Variants in MCM10 observed in about 807,000 individuals in gnomAD.
MCM10 encodes the protein minichromosome maintenance 10 replication initiation factor.
In MCM10, 91 loss-of-function variants were observed where a neutral mutation model predicts 109.9. The ratio of observed to expected loss-of-function variants is 0.83; its 90% confidence interval spans 0.70 to 0.99. MCM10 has a LOEUF of 0.99. Ranked by LOEUF, MCM10 falls within the 50% of genes least tolerant of loss-of-function variation. MCM10 has a pLI of 0.00. For synonymous variants in MCM10, 380 were observed against 387.2 expected (o/e 0.98, Z 0.22); for missense variants, 1,077 against 1,061.2 (o/e 1.01, Z -0.21).
At position 13,192,331 on chromosome 10, in the gene MCM10, C is replaced by T. The variant is rs749752543; in HGVS notation, c.1593C>T (p.Asn531=). ...ACCTGCCGACGTGTGGAGCCAGGAACTTAAAACAACATTTAGCCAAAGCCA... is the reference window on the plus strand; with the variant it reads ...ACCTGCCGACGTGTGGAGCCAGGAATTTAAAACAACATTTAGCCAAAGCCA... ...LMDLPTCGAR[N]LKQHLAKATA... Residue 531 remains asparagine (N), a synonymous_variant, in exon 12 of 20, where the codon AAC becomes AAT. Transcript: ENST00000378714. 5 of 1,609,312 alleles carry T rather than the reference C, an allele frequency of 3.1e-6. No individual in the cohort carries two copies. Among genetic ancestry groups the T allele is most frequent in the Non-Finnish European group, 8.5e-7 (1 of 1,178,068 alleles).
In MCM10 at chr10:13,163,324, G is replaced by C. The variant is rs75915428; in HGVS notation, c.-75-804G>C. Among the ~76,000 whole-genome samples the C allele has an allele frequency of 9.1e-3, 1,379 of 152,228 alleles. 29 individuals carry two copies. Among genetic ancestry groups the C allele is most frequent in the African/African-American group, 0.032 (1,321 of 41,540 alleles). On this transcript the variant is annotated intron_variant, in intron 1 of 19. Coordinates refer to ENST00000378714, the MANE Select transcript of MCM10 (RefSeq NM_018518.5). ...TGCACTCCAGCCCCAGCGACAGAGC[G>C]AGATCCTGTCTAAAAAAAGAAAAGA...
chr10:13,163,253 C>T (rs1025264883), intron 1 of MCM10, among the ~76,000 whole-genome samples: 1 of 151,966 alleles, frequency 6.6e-6, no homozygotes, highest in Non-Finnish European at 1.5e-5. Context: ...GCAGGAGAAT[C>T]ACTGGAGCCT....
At chr10:13,176,243 T>C (rs1244740445) in intron 6 of MCM10, among the ~76,000 whole-genome samples, 1 of 152,238 alleles carries the variant, frequency 6.6e-6, no homozygotes, top group African/African-American at 2.4e-5. Context: ...GCATCTGTTA[T>C]AGGGATACAT....
chr10:13,203,072 T>C (rs1434084401), intron 17 of MCM10, among the ~76,000 whole-genome samples: 1 of 152,144 alleles, frequency 6.6e-6, no homozygotes, highest in Non-Finnish European at 1.5e-5. Flanking sequence ...CTGGAACTCC[T>C]GACTTCAGAT....
chr10:13,183,228 G>A (rs943402330), intron 8 of MCM10, 128 bp downstream of exon 8: 7 of 1,024,462 alleles, frequency 6.8e-6, no homozygotes, highest in East Asian at 2.5e-5. Flanking sequence ...AGGCCAAAGC[G>A]GGAGGATCAC....
chr10:13,196,402 C>T lies in MCM10; in HGVS notation c.1974+1133C>T, dbSNP rs544278159. On this transcript the variant is annotated intron_variant, in intron 14 of 19. Coordinates refer to ENST00000378714, the MANE Select transcript of MCM10 (RefSeq NM_018518.5). The stretch of plus-strand genomic sequence containing the variant: ...GGCAAAGCTTGCTGTATGCCAAAAC[C>T]TTACCTATAATAATAACAACAGGAA... 3.3e-5 allele frequency among the ~76,000 whole-genome samples: 5 copies of T among 152,268 alleles called. No individual in the cohort carries two copies. The South Asian group carries it at 1.0e-3, about 32-fold the overall frequency.
Position 13,191,336 on chromosome 10 carries a change from A to C in MCM10, c.1453A>C (p.Thr485Pro). Residue 485 changes from threonine (T) to proline (P), a missense_variant, in exon 11 of 20, where the codon ACT becomes CCT. Physicochemically the swap from Thr to Pro is conservative, Grantham distance 38. Coordinates refer to ENST00000378714, the MANE Select transcript of MCM10 (RefSeq NM_018518.5). ...AVAPKKKIQT[T>P]LSNLVVKGTN... ...GGCTCCTAAGAAGAAGATTCAAACC[A>C]CTCTGAGTAATCTGGTTGTTAAGGG... is the stretch of plus-strand genomic sequence containing the variant. 6.2e-7 allele frequency: 1 copy of C among 1,614,074 alleles called. No individual in the cohort carries two copies.
rs912391936 is a variant in MCM10 at position 13,204,362 on chromosome 10, C to T, written c.2496C>T (p.Cys832=). The T allele has an allele frequency of 6.8e-6, 11 of 1,613,930 alleles. No individual in the cohort carries two copies. Among genetic ancestry groups the T allele is most frequent in the Non-Finnish European group, 9.3e-6 (11 of 1,179,958 alleles). ...TGGACAGACTCCCGAACAAGCACTG[C>T]AGGTATGAGAATCACCTGGAGCTCT... ...ISLDRLPNKH[C]SNCGLYKWER... Residue 832 remains cysteine, a splice_region_variant and synonymous_variant, in exon 18 of 20, where the codon TGC becomes TGT. Coordinates refer to ENST00000378714, the MANE Select transcript of MCM10 (RefSeq NM_018518.5).
rs1260311565 is a variant in MCM10 at position 13,182,638 on chromosome 10, C to G, written c.931-295C>G. Among the ~76,000 whole-genome samples, 1 of 152,104 alleles carries G rather than the reference C, an allele frequency of 6.6e-6. No individual in the cohort carries two copies. Among genetic ancestry groups the G allele is most frequent in the Non-Finnish European group, 1.5e-5 (1 of 68,028 alleles). On this transcript the variant is annotated intron_variant, in intron 7 of 19. Coordinates refer to ENST00000378714, the MANE Select transcript of MCM10 (RefSeq NM_018518.5). This position sits in a 1 kb window ranked among gnomAD's most constrained non-coding sequence, Gnocchi z 4.2. ...TCTCTGTGTCATTAGAAAGGCAGTG[C>G]TATCCCACTCCCTCTGCTTAGACCC...
At chr10:13,204,975 G>A (rs1173095724) in intron 18 of MCM10, among the ~76,000 whole-genome samples, 2 of 67,982 alleles carry the variant, frequency 2.9e-5, no homozygotes, top group Non-Finnish European at 7.1e-5. Flanking sequence ...ATTTTTTATT[G>A]TGCTTCTCAT....
At chr10:13,177,508 CTTTTT>C (rs60316855) in intron 6 of MCM10, among the ~76,000 whole-genome samples, 4 of 105,266 alleles carry the variant, frequency 3.8e-5, no homozygotes, top group Non-Finnish European at 7.2e-5. Flanking sequence ...GATTTTGGAG[CTTTTT>C]TTTTTTTTTT....
At chr10:13,180,328 C>A in intron 6 of MCM10, 114 bp from the exon 7 acceptor site, 1 of 755,382 alleles carries the variant, frequency 1.3e-6, no homozygotes, top group South Asian at 2.3e-5. Context: ...CTAAGCTTCC[C>A]AAGAACAGGT....
chr10:13,209,345 G>A lies in MCM10; in HGVS notation c.*35G>A, dbSNP rs183514711. The A allele has an allele frequency of 3.8e-4, 582 of 1,528,362 alleles. No individual in the cohort carries two copies. In the African/African-American group the frequency reaches 6.7e-3, roughly 18 times the overall value. 94.7% of individuals were successfully genotyped at this position (1,528,362 alleles called of 1,614,324 possible). ...CAGACATTTTCCCACAGACTTCCTG[G>A]CCTCCTGTGACTCTGGAAAGCAAAG... On this transcript the variant is annotated 3_prime_UTR_variant, in exon 20 of 20. Transcript: ENST00000378714.
intron 14 of MCM10, among the ~76,000 whole-genome samples, chr10:13,195,921 T>G (rs2131582931): frequency 6.6e-6 from 1 of 152,168 alleles, no homozygotes; most frequent in African/African-American, 2.4e-5. Flanking sequence ...TTTTATTTGT[T>G]GAGACAGACT....
chr10:13,190,465 C>T (rs1171680171), intron 10 of MCM10, among the ~76,000 whole-genome samples: 1 of 152,188 alleles, frequency 6.6e-6, no homozygotes, highest in Non-Finnish European at 1.5e-5. Flanking sequence ...AGGAGGATTG[C>T]TTAAGCCCAG....
chr10:13,204,225 T>G lies in MCM10; in HGVS notation c.2359T>G (p.Tyr787Asp), dbSNP rs1274014607. 1 of 1,613,948 alleles carries G rather than the reference T, an allele frequency of 6.2e-7. No homozygotes were observed. Among genetic ancestry groups the G allele is most frequent in the Non-Finnish European group, 8.5e-7 (1 of 1,180,014 alleles). Residue 787 changes from tyrosine to aspartate, a missense_variant, in exon 18 of 20, where the codon TAT (tyrosine) becomes GAT (aspartate). Transcript: ENST00000378714. ...CRVVTCKTCA[Y>D]THFKLLETCV... Reference sequence around the variant, plus strand: ...TTTTTGTTGCTCTGTGCAGTGCGCCTATACCCACTTCAAGCTGCTGGAGAC... The same window carrying G: ...TTTTTGTTGCTCTGTGCAGTGCGCCGATACCCACTTCAAGCTGCTGGAGAC...
chr10:13,170,844 G>C, intron 2 of MCM10, 78 bp from the exon 3 acceptor site: 7 of 1,281,610 alleles, frequency 5.5e-6, no homozygotes, highest in Non-Finnish European at 7.7e-6. Flanking sequence ...ACCCCCATGG[G>C]GTCATTTAAA....
chr10:13,188,336 A>C (rs1166267191), intron 9 of MCM10, among the ~76,000 whole-genome samples: 1 of 152,168 alleles, frequency 6.6e-6, no homozygotes, highest in Non-Finnish European at 1.5e-5. Context: ...CACAATATAC[A>C]GTTAATCATT....
At chr10:13,195,405 A>T in intron 14 of MCM10, 136 bp downstream of exon 14, 1 of 663,814 alleles carries the variant, frequency 1.5e-6, no homozygotes, top group Non-Finnish European at 2.5e-6. Context: ...GGTAGTGTCA[A>T]CATAATACTA....
Sources: gnomAD v4.1 joint callset for allele counts (sites outside exome capture counted in the v4.1 genomes callset) on GRCh38, gnomAD v4.1.1 for gene constraint, Gnocchi (gnomAD v3.1) non-coding constraint, MANE v1.5 for transcripts, NCBI Gene and HGNC (gene_info 2026-07-23, HGNC 2026-07-21) for gene names.